Variants in ZNF860 observed in about 807,000 individuals in gnomAD.
ZNF860 encodes the protein zinc finger protein 860.
For synonymous variants in ZNF860, 206 were observed against 248.9 expected (o/e 0.83, Z 1.62); for missense variants, 641 against 759.2 (o/e 0.84, Z 1.83).
In ZNF860 at chr3:31,989,038, C is replaced by T. The variant is rs779431550; in HGVS notation, c.-42C>T. 7.5e-6 allele frequency: 12 copies of T among 1,609,502 alleles called. No homozygotes were observed. In the South Asian group the frequency reaches 1.3e-4, roughly 18 times the overall value. The stretch of plus-strand genomic sequence containing the variant: ...ATACAGAGCAGGAAGCAGATCGCCT[C>T]AGTGAAGGTCACACTGCAGCACTAT... On this transcript the variant is annotated 5_prime_UTR_variant, in exon 2 of 2. Coordinates refer to ENST00000360311, the MANE Select transcript of ZNF860 (RefSeq NM_001137674.3).
intron 1 of ZNF860, among the ~76,000 whole-genome samples, chr3:31,984,401 C>G (rs1321536135): frequency 1.3e-5 from 2 of 151,366 alleles, no homozygotes; most frequent in East Asian, 3.9e-4. Flanking sequence ...GATGGGGAAG[C>G]TGATAGATTG....
At chr3:31,985,286 A>G (rs921688913) in intron 1 of ZNF860, among the ~76,000 whole-genome samples, 2 of 152,244 alleles carry the variant, frequency 1.3e-5, no homozygotes, top group Admixed American at 1.3e-4. Context: ...CAAATGCTCA[A>G]TATAAGGACC....
At chr3:31,995,602 G>A (rs369050305), downstream of ZNF860, among the ~76,000 whole-genome samples, 15 of 152,180 alleles carry the variant, frequency 9.9e-5, no homozygotes, top group East Asian at 1.9e-4. Flanking sequence ...TACAGTTAAC[G>A]CAATCATCAC....
rs1346601528 is a variant in ZNF860 at position 31,989,657 on chromosome 3, A to G, written c.578A>G (p.Gln193Arg). 1.2e-6 allele frequency: 2 copies of G among 1,614,140 alleles called. No homozygotes were observed. Among genetic ancestry groups the G allele is most frequent in the East Asian group, 4.5e-5 (2 of 44,880 alleles). Residue 193 changes from glutamine to arginine, a missense_variant, in exon 2 of 2, where the codon CAA (glutamine) becomes CGA (arginine). Physicochemically the swap from Gln to Arg is conservative, Grantham distance 43. Coordinates refer to ENST00000360311, the MANE Select transcript of ZNF860 (RefSeq NM_001137674.3). The stretch of plus-strand genomic sequence containing the variant: ...GATGCTTCCTCAGTTCTAACGTCCC[A>G]AAGAATTTCTTCTAGGCCCAAAATC... Reference protein sequence around the residue: ...INDASSVLTSQRISSRPKIHI... With the variant: ...INDASSVLTSRRISSRPKIHI...
Position 31,991,032 on chromosome 3 carries a change from A to G in ZNF860, c.*54A>G. ...TTCATTCCTGAGATAATTGTTCCAA[A>G]TGCAATGAGTATAGCAAACCATCAA... On this transcript the variant is annotated 3_prime_UTR_variant, in exon 2 of 2. Transcript: ENST00000360311. 3 of 1,484,516 alleles carry G rather than the reference A, an allele frequency of 2.0e-6. No individual in the cohort carries two copies. The highest frequency in any genetic ancestry group is 2.7e-5 in the South Asian group (2 of 74,674). 92.0% of individuals were successfully genotyped at this position (1,484,516 alleles called of 1,614,324 possible).
In ZNF860 at chr3:31,991,245, AGACCATCCT is replaced by A; in HGVS notation, c.*269_*277del. Reference sequence around the variant, plus strand: ...TAGATCACTTGAGGTCAGGAGTTTGAGACCATCCTGGCCAAAAGACGTGAGCCACTTTTC... The same window carrying A: ...TAGATCACTTGAGGTCAGGAGTTTGAGGCCAAAAGACGTGAGCCACTTTTC... On this transcript the variant is annotated 3_prime_UTR_variant, in exon 2 of 2. Coordinates refer to ENST00000360311, the MANE Select transcript of ZNF860 (RefSeq NM_001137674.3). The A allele has an allele frequency of 2.5e-6, 1 of 400,202 alleles. No homozygotes were observed. The highest frequency in any genetic ancestry group is 4.6e-6 in the Non-Finnish European group (1 of 217,350). 24.8% of individuals were successfully genotyped at this position (400,202 alleles called of 1,614,324 possible). A position where few individuals can be genotyped will look rare whatever the true frequency, so the allele number is the denominator to read the frequency against.
Position 31,991,103 on chromosome 3 carries a change from G to A in ZNF860, c.*125G>A. The A allele has an allele frequency of 4.2e-6, 4 of 951,326 alleles. No homozygotes were observed. The highest frequency in any genetic ancestry group is 6.3e-6 in the Non-Finnish European group (4 of 634,064). The allele number at this position is 951,326 out of a possible 1,614,324, so 58.9% of individuals were successfully genotyped here. ...CAATTCAGCATTGACTTGAGTTTCA[G>A]TTGACTTGACATTGAGTTCAAGCAT... On this transcript the variant is annotated 3_prime_UTR_variant, in exon 2 of 2. Coordinates refer to ENST00000360311, the MANE Select transcript of ZNF860 (RefSeq NM_001137674.3).
rs756327490 is a variant in ZNF860, at chr3:31,990,488, TA to T, written c.1411del (p.Ile471PhefsTer28). 44 of 1,553,896 alleles carry T rather than the reference TA, an allele frequency of 2.8e-5. No individual in the cohort carries two copies. In the African/African-American group the frequency reaches 5.2e-4, roughly 19 times the overall value. ...ACCTTCCATCACAATTCAGCCCTTG[TA>T]ATTCATAAGGCAATTCATACTGGAG... ...GKTFHHNSAL[V>X]IHKAIHTGEK... On this transcript the variant is annotated frameshift_variant, in exon 2 of 2. Transcript: ENST00000360311. LOFTEE classifies it low-confidence loss of function (END_TRUNC).
chr3:31,990,416 G>A lies in ZNF860; in HGVS notation c.1337G>A (p.Arg446Gln), dbSNP rs189122136. ...RRRSYLVVHW[R>Q]THTGEKPYKC... Reference sequence around the variant, plus strand: ...CGTTCATATCTCGTAGTTCATTGGCGAACTCATACTGGAGAGAAACCTTAC... The same window carrying A: ...CGTTCATATCTCGTAGTTCATTGGCAAACTCATACTGGAGAGAAACCTTAC... The change falls in exon 2 of 2, where the codon CGA (arginine) becomes CAA (glutamine). Residue 446 changes from arginine to glutamine, a missense_variant. Transcript: ENST00000360311. 1.9e-4 allele frequency: 301 copies of A among 1,613,978 alleles called. No homozygotes were observed. Among genetic ancestry groups the A allele is most frequent in the Non-Finnish European group, 2.4e-4 (288 of 1,179,932 alleles).
chr3:32,005,290 T>C, the ZNF860 span, among the ~76,000 whole-genome samples: 8 of 152,176 alleles, frequency 5.3e-5, no homozygotes, highest in Admixed American at 4.6e-4. Context: ...ATCTAGTTCA[T>C]AGGGCCTAAC....
chr3:32,001,873 C>T, the ZNF860 span, among the ~76,000 whole-genome samples: 1 of 152,146 alleles, frequency 6.6e-6, no homozygotes, highest in Non-Finnish European at 1.5e-5. Context: ...TTATCCAATC[C>T]CAACTCTTGG....
chr3:31,998,039 C>T, the ZNF860 span, among the ~76,000 whole-genome samples: 2 of 152,070 alleles, frequency 1.3e-5, no homozygotes, highest in Admixed American at 6.6e-5. Flanking sequence ...GCAGTCCTCC[C>T]GCCTCGGCCT....
chr3:32,001,235 G>T, the ZNF860 span, among the ~76,000 whole-genome samples: 2 of 152,134 alleles, frequency 1.3e-5, no homozygotes, highest in African/African-American at 4.8e-5. Flanking sequence ...CATTCATTCA[G>T]CCTGGATGTG....
chr3:31,984,397 G>A (rs1698904462), intron 1 of ZNF860, among the ~76,000 whole-genome samples: 1 of 151,936 alleles, frequency 6.6e-6, no homozygotes, highest in South Asian at 2.1e-4. Context: ...TAAGGATGGG[G>A]AAGCTGATAG....
At chr3:31,999,975 AAAT>A in the ZNF860 span, among the ~76,000 whole-genome samples, 1 of 152,170 alleles carries the variant, frequency 6.6e-6, no homozygotes, top group African/African-American at 2.4e-5. Flanking sequence ...CTTTGACTTT[AAAT>A]ATCTAGTGGT....
intron 1 of ZNF860, among the ~76,000 whole-genome samples, chr3:31,982,199 G>T (rs1398669198): frequency 6.6e-6 from 1 of 152,160 alleles, no homozygotes; most frequent in Non-Finnish European, 1.5e-5. Flanking sequence ...TACAAACATT[G>T]AAGGATTCTC....
At chr3:31,997,561 T>C in the ZNF860 span, among the ~76,000 whole-genome samples, 1 of 151,826 alleles carries the variant, frequency 6.6e-6, no homozygotes, top group Non-Finnish European at 1.5e-5. Context: ...AGGGCAAACA[T>C]CATTCATTGT....
chr3:32,004,177 T>G, the ZNF860 span, among the ~76,000 whole-genome samples: 1 of 152,194 alleles, frequency 6.6e-6, no homozygotes, highest in Non-Finnish European at 1.5e-5. Context: ...TGGCACCCTT[T>G]GTTAGAGAAG....
the ZNF860 span, among the ~76,000 whole-genome samples, chr3:32,004,442 A>G: frequency 6.6e-6 from 1 of 152,208 alleles, no homozygotes; most frequent in Non-Finnish European, 1.5e-5. Flanking sequence ...TGGGGAAGAC[A>G]ACTGTTAAGC....
Sources: gnomAD v4.1 joint callset for allele counts (sites outside exome capture counted in the v4.1 genomes callset) on GRCh38, gnomAD v4.1.1 for gene constraint, MANE v1.5 for transcripts, NCBI Gene and HGNC (gene_info 2026-07-23, HGNC 2026-07-21) for gene names.